HOMER1: variants seen among roughly 807,000 people sequenced by gnomAD.
HOMER1 encodes homer scaffold protein 1.
HOMER1 carries 3 observed loss-of-function variants against 48.9 expected under a neutral mutation model. The ratio of observed to expected loss-of-function variants is 0.06; its 90% confidence interval spans 0.03 to 0.16. The LOEUF (loss-of-function observed/expected upper bound fraction) is 0.16. Ranked by LOEUF, HOMER1 falls within the 10% of genes least tolerant of loss-of-function variation. The probability of loss-of-function intolerance (pLI) is 1.00; values close to 1 mark genes in which losing one functional copy is unlikely to be tolerated. For missense variants in HOMER1, 247 were observed against 411.4 expected (o/e 0.60, Z 3.46); for synonymous variants, 134 against 146.4 (o/e 0.92, Z 0.61).
At position 79,401,852 on chromosome 5, in the gene HOMER1, A is replaced by C. The variant is rs6883030; in HGVS notation, c.684+47T>G. On this transcript the variant is annotated intron_variant, in intron 6 of 8. Transcript: ENST00000334082. ...TACATGCAAATTTCTTCTGATCAAGAAAACCTGTTAGCCCTAAATCCCTAT... is the reference window on the plus strand; with the variant it reads ...TACATGCAAATTTCTTCTGATCAAGCAAACCTGTTAGCCCTAAATCCCTAT... The C allele has an allele frequency of 0.052, 81,898 of 1,583,188 alleles. 2,417 individuals are homozygous for C. Among genetic ancestry groups the C allele is most frequent in the Middle Eastern group, 0.07 (412 of 5,882 alleles).
chr5:79,483,582 C>T (rs1752005965), intron 1 of HOMER1, among the ~76,000 whole-genome samples: 1 of 151,436 alleles, frequency 6.6e-6, no homozygotes, highest in Non-Finnish European at 1.5e-5. Flanking sequence ...CATTAGTGGA[C>T]CTGACTATGA....
At chr5:79,503,886 G>T (rs951346815) in intron 1 of HOMER1, among the ~76,000 whole-genome samples, 1 of 152,162 alleles carries the variant, frequency 6.6e-6, no homozygotes, top group African/African-American at 2.4e-5. Flanking sequence ...TCTCAGGGGT[G>T]ACAGCAGTGG....
intron 1 of HOMER1, among the ~76,000 whole-genome samples, chr5:79,507,486 C>T (rs1380054568): frequency 6.6e-6 from 1 of 151,878 alleles, no homozygotes; most frequent in African/African-American, 2.4e-5. Context: ...TACAAATATG[C>T]AACACAAAAA....
In HOMER1 at chr5:79,457,665, T is replaced by C. The variant is rs565215900; in HGVS notation, c.6-647A>G. 1.5e-3 allele frequency among the ~76,000 whole-genome samples: 227 copies of C among 152,256 alleles called. 1 individual carries two copies. Among genetic ancestry groups the C allele is most frequent in the Middle Eastern group, 3.4e-3 (1 of 294 alleles). ...CATTAACAATATATATTAAGCAAGG[T>C]GTCTTTAAGTAGAAACACACATAAA... On this transcript the variant is annotated intron_variant, in intron 1 of 8. Transcript: ENST00000334082.
intron 1 of HOMER1, among the ~76,000 whole-genome samples, chr5:79,501,197 G>C (rs1329838978): frequency 6.6e-6 from 1 of 150,978 alleles, no homozygotes; most frequent in Non-Finnish European, 1.5e-5. Context: ...TCTCGAACTG[G>C]TAAGCTCAAG....
At chr5:79,459,782 ACAG>A (rs1397738991) in intron 1 of HOMER1, among the ~76,000 whole-genome samples, 1 of 152,226 alleles carries the variant, frequency 6.6e-6, no homozygotes, top group Non-Finnish European at 1.5e-5. Flanking sequence ...TAAGTAACTG[ACAG>A]CTATGATAGA....
intron 5 of HOMER1, among the ~76,000 whole-genome samples, chr5:79,410,503 A>G (rs920281902): frequency 7.3e-5 from 11 of 151,558 alleles, no homozygotes; most frequent in African/African-American, 1.5e-4. Context: ...AAAAAAAAAA[A>G]AAAAGAAAAA....
chr5:79,498,814 C>T (rs1379715528), intron 1 of HOMER1, among the ~76,000 whole-genome samples: 1 of 151,220 alleles, frequency 6.6e-6, no homozygotes, highest in African/African-American at 2.4e-5. Flanking sequence ...TACAATTGGT[C>T]CTTCTACTTG....
intron 1 of HOMER1, among the ~76,000 whole-genome samples, chr5:79,493,626 G>T (rs955584172): frequency 6.6e-6 from 1 of 151,986 alleles, no homozygotes; most frequent in South Asian, 2.1e-4. Context: ...CCTTTCCTTC[G>T]GTCTATGAGG....
At chr5:79,396,980 T>C in intron 7 of HOMER1, 77 bp from the exon 8 acceptor site, 1 of 756,082 alleles carries the variant, frequency 1.3e-6, no homozygotes. Context: ...CCTGAAATTA[T>C]TGTTCTAGTT....
chr5:79,410,321 G>A (rs994617985), intron 5 of HOMER1, among the ~76,000 whole-genome samples: 10 of 151,658 alleles, frequency 6.6e-5, no homozygotes, highest in African/African-American at 1.7e-4. Flanking sequence ...GAGAAACCAC[G>A]TCTCTACTAA....
At chr5:79,465,631 C>T (rs1232720631) in intron 1 of HOMER1, among the ~76,000 whole-genome samples, 47 of 114,116 alleles carry the variant, frequency 4.1e-4, no homozygotes, top group South Asian at 1.1e-3. Context: ...CTCGCTCTGT[C>T]GCCCAGGCTG....
chr5:79,511,009 T>C (rs1050849824), intron 1 of HOMER1: 3 of 346,342 alleles, frequency 8.7e-6, no homozygotes, highest in African/African-American at 4.2e-5. Context: ...CAAAGAAACC[T>C]CAGGCAGGGA....
chr5:79,475,568 G>C (rs1341243566), intron 1 of HOMER1, among the ~76,000 whole-genome samples: 1 of 151,738 alleles, frequency 6.6e-6, no homozygotes, highest in South Asian at 2.1e-4. Flanking sequence ...TACCACATGT[G>C]ATAAAATCTA....
intron 1 of HOMER1, among the ~76,000 whole-genome samples, chr5:79,509,079 G>A (rs1186349654): frequency 2.0e-5 from 3 of 152,232 alleles, no homozygotes; most frequent in Non-Finnish European, 4.4e-5. Context: ...CTAGAGAGCA[G>A]AACCCTGCAG....
rs2112175981 is a variant in HOMER1, at chr5:79,373,489, A to C, written c.*2520T>G. 1 of 152,058 alleles carries C rather than the reference A, an allele frequency of 6.6e-6. No individual in the cohort carries two copies. Among genetic ancestry groups the C allele is most frequent in the South Asian group, 2.1e-4 (1 of 4,816 alleles). The allele number at this position is 152,058 out of a possible 1,614,324, so 9.4% of individuals were successfully genotyped here. On this transcript the variant is annotated 3_prime_UTR_variant, in exon 9 of 9. Coordinates refer to ENST00000334082, the MANE Select transcript of HOMER1 (RefSeq NM_004272.5). ...TTTAAATATAGATACAGTATATAATACTTGTCTCTGGGAAAAATCAAATTT... is the reference window on the plus strand; with the variant it reads ...TTTAAATATAGATACAGTATATAATCCTTGTCTCTGGGAAAAATCAAATTT...
chr5:79,461,119 G>C (rs1751306579), intron 1 of HOMER1, among the ~76,000 whole-genome samples: 2 of 152,006 alleles, frequency 1.3e-5, no homozygotes. Flanking sequence ...TTTTATGATG[G>C]GTATGTTTCA....
intron 1 of HOMER1, among the ~76,000 whole-genome samples, chr5:79,499,717 A>C (rs1452709331): frequency 2.0e-5 from 3 of 152,228 alleles, no homozygotes; most frequent in Admixed American, 6.5e-5. Context: ...ATCTAGAAAA[A>C]TGCAAATACA....
At chr5:79,423,980 C>T (rs1750174674) in intron 5 of HOMER1, among the ~76,000 whole-genome samples, 1 of 152,002 alleles carries the variant, frequency 6.6e-6, no homozygotes, top group Non-Finnish European at 1.5e-5. Context: ...CACATTTTCT[C>T]CCAGGAAATT....
Sources: allele counts gnomAD v4.1 joint callset (sites outside exome capture counted in the v4.1 genomes callset), GRCh38; gene constraint gnomAD v4.1.1; transcripts MANE v1.5; gene names NCBI Gene and HGNC (gene_info 2026-07-23, HGNC 2026-07-21).